The following PIP5K1B variants were observed in gnomAD, a reference collection of about 807,000 sequenced individuals.
PIP5K1B encodes phosphatidylinositol 4-phosphate 5-kinase type-1 beta.
Under a neutral mutation model 67.0 loss-of-function variants are expected in PIP5K1B, and 42 were observed. The ratio of observed to expected loss-of-function variants is 0.63; its 90% CI spans 0.49 to 0.81. The LOEUF is 0.81. Among genes scored for constraint, PIP5K1B ranks in the 30% least tolerant of loss-of-function variants. PIP5K1B has a pLI of 0.00. For synonymous variants in PIP5K1B, 214 were observed against 231.4 expected, an observed-to-expected ratio of 0.92 and a Z score of 0.68; for missense variants, 459 against 646.3, an observed-to-expected ratio of 0.71 and a Z score of 3.14.
intron 15 of PIP5K1B, among the ~76,000 whole-genome samples, chr9:68,997,820 AT>A (rs1269389969): frequency 6.6e-6 from 1 of 152,144 alleles, no homozygotes; most frequent in African/African-American, 2.4e-5. Flanking sequence ...CACCCATAGG[AT>A]TTTTTTAAAA....
At chr9:68,888,948 T>A in intron 6 of PIP5K1B, 33 bp from the exon 7 acceptor site, 1 of 1,465,000 alleles carries the variant, frequency 6.8e-7, no homozygotes, top group Non-Finnish European at 9.6e-7. Flanking sequence ...ACATCAAGTA[T>A]ATGTTTTAAT....
intron 9 of PIP5K1B, among the ~76,000 whole-genome samples, chr9:68,918,851 A>G (rs1164921869): frequency 6.6e-6 from 1 of 152,210 alleles, no homozygotes; most frequent in African/African-American, 2.4e-5. Flanking sequence ...AAATACAATA[A>G]GGCTATTAAA....
At chr9:68,785,617 A>G (rs1004952457) in intron 2 of PIP5K1B, among the ~76,000 whole-genome samples, 2 of 152,196 alleles carry the variant, frequency 1.3e-5, no homozygotes, top group African/African-American at 4.8e-5. Flanking sequence ...TATCACTATC[A>G]TCTGAGGCAA....
At chr9:68,841,862 G>C (rs1340563441) in intron 4 of PIP5K1B, among the ~76,000 whole-genome samples, 1 of 152,200 alleles carries the variant, frequency 6.6e-6, no homozygotes, top group Non-Finnish European at 1.5e-5. Flanking sequence ...TGTATTCTTA[G>C]AAACTTAGAC....
intron 4 of PIP5K1B, among the ~76,000 whole-genome samples, chr9:68,849,899 T>C (rs1822396834): frequency 6.6e-6 from 1 of 152,244 alleles, no homozygotes; most frequent in African/African-American, 2.4e-5. Flanking sequence ...TGGATATTTA[T>C]CTTTCAGTCT....
intron 12 of PIP5K1B, among the ~76,000 whole-genome samples, chr9:68,925,795 A>ATTTTTTTTTTTTCTTTTT (rs374081605): frequency 2.7e-5 from 2 of 73,296 alleles, no homozygotes; most frequent in African/African-American, 5.7e-5. Flanking sequence ...TGTGGTTCCA[A>ATTTTTTTTTTTTCTTTTT]TTTTTTTTTT....
chr9:68,712,348 A>G (rs1336055107), intron 1 of PIP5K1B, among the ~76,000 whole-genome samples: 2 of 152,156 alleles, frequency 1.3e-5, no homozygotes, highest in African/African-American at 4.8e-5. Context: ...CCAAAATAAA[A>G]CCTCTTTTCT....
Position 68,974,452 on chromosome 9 carries a change from T to G in PIP5K1B, c.1503-16688T>G, listed in dbSNP as rs1022846766. Among the ~76,000 whole-genome samples the G allele has an allele frequency of 2.0e-5, 3 of 152,180 alleles. No individual in the cohort carries two copies. The South Asian group carries it at 6.2e-4, about 32-fold the overall frequency. ...ACGCCTAGCCTTGATCCTTAACTTATAGGAAGGGTTTGGGTATATAAAAGA... is the reference window on the plus strand; with the variant it reads ...ACGCCTAGCCTTGATCCTTAACTTAGAGGAAGGGTTTGGGTATATAAAAGA... On this transcript the variant is annotated intron_variant, in intron 14 of 15. Transcript: ENST00000265382.
chr9:68,783,526 T>C (rs1240115175), intron 2 of PIP5K1B: 2 of 166,974 alleles, frequency 1.2e-5, no homozygotes, highest in Non-Finnish European at 2.9e-5. Flanking sequence ...TAACTTCTGT[T>C]AACAACTTGA....
At chr9:68,902,880 A>G (rs1189325694) in intron 8 of PIP5K1B, among the ~76,000 whole-genome samples, 2 of 152,232 alleles carry the variant, frequency 1.3e-5, no homozygotes, top group African/African-American at 4.8e-5. Flanking sequence ...AGATAAATCT[A>G]ATAAAGCAGT....
chr9:68,998,550 C>A (rs1448206916), intron 15 of PIP5K1B, among the ~76,000 whole-genome samples: 4 of 152,076 alleles, frequency 2.6e-5, no homozygotes, highest in African/African-American at 9.7e-5. Flanking sequence ...CAGAGAAAGC[C>A]AGTGTTTGCC....
intron 15 of PIP5K1B, among the ~76,000 whole-genome samples, chr9:69,004,713 A>G (rs994537955): frequency 2.6e-5 from 4 of 152,126 alleles, no homozygotes; most frequent in Admixed American, 2.0e-4. Flanking sequence ...TCAAGCTATG[A>G]GTTAGTTTCC....
At chr9:68,926,005 A>G (rs1826681383) in intron 12 of PIP5K1B, among the ~76,000 whole-genome samples, 2 of 151,710 alleles carry the variant, frequency 1.3e-5, no homozygotes, top group Non-Finnish European at 1.5e-5. Flanking sequence ...CGTGTTGGCC[A>G]GGCTGTCTTG....
intron 15 of PIP5K1B, among the ~76,000 whole-genome samples, chr9:69,001,198 CA>C (rs1211710571): frequency 6.6e-6 from 1 of 152,068 alleles, no homozygotes; most frequent in African/African-American, 2.4e-5. Context: ...TGAGCCACCA[CA>C]CCCAGCCTGG....
intron 2 of PIP5K1B, among the ~76,000 whole-genome samples, chr9:68,810,812 T>C (rs117416502): frequency 0.01 from 1,546 of 150,334 alleles, 6 homozygotes; most frequent in Non-Finnish European, 0.016. Flanking sequence ...AGAACAAGTT[T>C]TATAGGAAAA....
chr9:68,795,729 A>G (rs1412987), intron 2 of PIP5K1B, among the ~76,000 whole-genome samples: 37,492 of 152,164 alleles, frequency 0.25, 5,274 homozygotes, highest in Non-Finnish European at 0.33. Flanking sequence ...GAAGTCAGTG[A>G]GCTTTCCTTT....
Position 68,935,361 on chromosome 9 carries a change from G to A in PIP5K1B, c.1357+316G>A, listed in dbSNP as rs181472007. ...CGGGCGCCTGTAATCCCAGCTACTT[G>A]GGAAGCTGAGGCATGAGAATCACTT... On this transcript the variant is annotated intron_variant, in intron 13 of 15. Coordinates refer to ENST00000265382, the MANE Select transcript of PIP5K1B (RefSeq NM_003558.4). Among the ~76,000 whole-genome samples, 300 of 152,178 alleles carry A rather than the reference G, an allele frequency of 2.0e-3. 1 individual carries two copies. Among genetic ancestry groups the A allele is most frequent in the African/African-American group, 6.9e-3 (286 of 41,514 alleles).
At chr9:68,852,719 C>T (rs1822554927) in intron 4 of PIP5K1B, among the ~76,000 whole-genome samples, 2 of 152,170 alleles carry the variant, frequency 1.3e-5, no homozygotes, top group African/African-American at 4.8e-5. Context: ...TATTCTCTCA[C>T]TTCTCCTATC....
intron 2 of PIP5K1B, among the ~76,000 whole-genome samples, chr9:68,805,230 G>A (rs1462467862): frequency 6.6e-6 from 1 of 152,222 alleles, no homozygotes; most frequent in East Asian, 1.9e-4. Flanking sequence ...GGCCCTGTGT[G>A]TAGAGGCTCC....
Sources: gnomAD v4.1 joint callset for allele counts (sites outside exome capture counted in the v4.1 genomes callset) on GRCh38, gnomAD v4.1.1 for gene constraint, MANE v1.5 for transcripts, NCBI Gene and HGNC (gene_info 2026-07-23, HGNC 2026-07-21) for gene names.